LRFN5: variants seen among roughly 807,000 people sequenced by gnomAD.
The protein encoded by LRFN5 is leucine rich repeat and fibronectin type III domain containing 5, also known as leucine-rich repeat and fibronectin type-III domain-containing protein 5.
LRFN5 carries 24 observed loss-of-function variants against 45.6 expected under a neutral mutation model. The ratio of observed to expected loss-of-function variants is 0.53; its 90% CI spans 0.38 to 0.74. The LOEUF (loss-of-function observed/expected upper bound fraction) is 0.74. Ranked by LOEUF, LRFN5 falls within the 30% of genes least tolerant of loss-of-function variation. The pLI is 0.00. For synonymous variants in LRFN5, 340 were observed against 313.8 expected, an observed-to-expected ratio of 1.08 and a Z score of -0.88; for missense variants, 776 against 861.5, an observed-to-expected ratio of 0.90 and a Z score of 1.24.
At chr14:41,845,093 C>T (rs932872141) in intron 2 of LRFN5, among the ~76,000 whole-genome samples, 17 of 152,044 alleles carry the variant, frequency 1.1e-4, no homozygotes, top group African/African-American at 4.1e-4. Context: ...TTATCTAACA[C>T]TAGGCTCACT....
At chr14:41,813,957 C>G (rs862545) in intron 2 of LRFN5, among the ~76,000 whole-genome samples, 55,904 of 152,034 alleles carry the variant, frequency 0.37, 10,821 homozygotes, top group East Asian at 0.69. Context: ...ACATAAATGT[C>G]TTCTTCTGAA....
chr14:41,645,344 C>G (rs773835980), intron 1 of LRFN5, among the ~76,000 whole-genome samples: 5 of 152,192 alleles, frequency 3.3e-5, no homozygotes, highest in Admixed American at 6.5e-5. Flanking sequence ...AAGTGGTCGT[C>G]CTGCCTCAGC....
At chr14:41,902,392 A>G (rs1329628230) in intron 5 of LRFN5, among the ~76,000 whole-genome samples, 5 of 151,846 alleles carry the variant, frequency 3.3e-5, no homozygotes, top group Non-Finnish European at 7.4e-5. Context: ...TGGAATTACT[A>G]TAGGAGCTAT....
At chr14:41,812,527 A>G (rs183533676) in intron 2 of LRFN5, among the ~76,000 whole-genome samples, 295 of 151,990 alleles carry the variant, frequency 1.9e-3, no homozygotes, top group African/African-American at 6.9e-3. Context: ...GATTATTCTC[A>G]ATTATATATA....
At chr14:41,775,365 A>T (rs1241143558) in intron 2 of LRFN5, among the ~76,000 whole-genome samples, 1 of 151,986 alleles carries the variant, frequency 6.6e-6, no homozygotes, top group Non-Finnish European at 1.5e-5. Context: ...CTTGTATTAC[A>T]GGCAAGCCAC....
At position 41,887,864 on chromosome 14, in the gene LRFN5, T is replaced by C. The variant is rs1890633449; in HGVS notation, c.1239T>C (p.Asp413=). 1.2e-6 allele frequency: 2 copies of C among 1,614,036 alleles called. No individual in the cohort carries two copies. Among genetic ancestry groups the C allele is most frequent in the African/African-American group, 1.3e-5 (1 of 74,930 alleles). The change falls in exon 3 of 6, where the codon GAT becomes GAC. Residue 413 remains aspartate, a synonymous_variant. Transcript: ENST00000298119. The surrounding 1 kb of genome is among the most constrained non-coding windows in gnomAD (Gnocchi z 4.8). ...SGSNTSSSNG[D]TKLSQDKIVV... is the part of the protein sequence containing the mutation. Reference sequence around the variant, plus strand: ...CTAATACAAGCAGTAGTAATGGTGATACTAAATTGAGTCAAGATAAAATTG... The same window carrying C: ...CTAATACAAGCAGTAGTAATGGTGACACTAAATTGAGTCAAGATAAAATTG...
chr14:41,749,232 A>G (rs1314952689), intron 1 of LRFN5, among the ~76,000 whole-genome samples: 3 of 152,156 alleles, frequency 2.0e-5, no homozygotes, highest in Non-Finnish European at 2.9e-5. Context: ...TGCAAACAGT[A>G]ACAATCCAGA....
In LRFN5 at chr14:41,864,242, G is replaced by A. The variant is rs144319799; in HGVS notation, c.-20-22364G>A. Among the ~76,000 whole-genome samples, 631 of 152,232 alleles carry A rather than the reference G, an allele frequency of 4.1e-3. 6 individuals carry two copies. Among genetic ancestry groups the A allele is most frequent in the African/African-American group, 0.014 (595 of 41,544 alleles). On this transcript the variant is annotated intron_variant, in intron 2 of 5. Coordinates refer to ENST00000298119, the MANE Select transcript of LRFN5 (RefSeq NM_152447.5). ...TCTGGTTCTAGATCTTTGAGGAATTGCTACACTGTCTTCCCCAATGGTTGA... is the reference window on the plus strand; with the variant it reads ...TCTGGTTCTAGATCTTTGAGGAATTACTACACTGTCTTCCCCAATGGTTGA...
chr14:41,808,266 C>T (rs1857846797), intron 2 of LRFN5, among the ~76,000 whole-genome samples: 1 of 103,270 alleles, frequency 9.7e-6, no homozygotes, highest in Admixed American at 1.0e-4. Context: ...GAGGAAGGAC[C>T]TATGAGATTA....
chr14:41,828,586 C>G (rs1477263284), intron 2 of LRFN5, among the ~76,000 whole-genome samples: 2 of 151,918 alleles, frequency 1.3e-5, no homozygotes, highest in Non-Finnish European at 2.9e-5. Flanking sequence ...TTCCTCAAGT[C>G]AGAAATCTGG....
chr14:41,804,590 G>A (rs35342366), intron 2 of LRFN5, among the ~76,000 whole-genome samples: 1 of 151,896 alleles, frequency 6.6e-6, no homozygotes, highest in Non-Finnish European at 1.5e-5. Context: ...AGGTGGTTCA[G>A]TTTTGGAGAA....
chr14:41,785,505 A>G (rs1405177556), intron 2 of LRFN5, among the ~76,000 whole-genome samples: 4 of 152,108 alleles, frequency 2.6e-5, no homozygotes, highest in African/African-American at 9.7e-5. Flanking sequence ...ATGATACTAT[A>G]CTATATCACA....
At chr14:41,781,563 A>AGAAG (rs1491571217) in intron 2 of LRFN5, among the ~76,000 whole-genome samples, 63 of 17,728 alleles carry the variant, frequency 3.6e-3, no homozygotes, top group African/African-American at 0.02. Context: ...AGAAAGAGAA[A>AGAAG]GAAAGAAAGA....
chr14:41,668,367 A>G (rs1881005390), intron 1 of LRFN5, among the ~76,000 whole-genome samples: 1 of 152,160 alleles, frequency 6.6e-6, no homozygotes, highest in Non-Finnish European at 1.5e-5. Flanking sequence ...AATTTCAGGA[A>G]CTTGAAATTT....
At chr14:41,723,029 A>C (rs185630475) in intron 1 of LRFN5, among the ~76,000 whole-genome samples, 264 of 152,310 alleles carry the variant, frequency 1.7e-3, no homozygotes, top group Middle Eastern at 0.014. Context: ...TCTGCATAGT[A>C]GGTGGGGTAG....
intron 2 of LRFN5, among the ~76,000 whole-genome samples, chr14:41,822,684 T>C (rs1219563129): frequency 6.6e-6 from 1 of 152,080 alleles, no homozygotes; most frequent in East Asian, 1.9e-4. Context: ...CCAATTTAAG[T>C]ACTCTGTTTC....
chr14:41,861,721 T>C (rs1388764012), intron 2 of LRFN5, among the ~76,000 whole-genome samples: 2 of 152,164 alleles, frequency 1.3e-5, no homozygotes, highest in Non-Finnish European at 1.5e-5. Context: ...TTTTAAAGGT[T>C]TTATTGAAGT....
intron 2 of LRFN5, among the ~76,000 whole-genome samples, chr14:41,788,945 AG>A (rs1215103402): frequency 6.6e-6 from 1 of 152,010 alleles, no homozygotes; most frequent in East Asian, 1.9e-4. Flanking sequence ...AGAACTTGAA[AG>A]GGTTGAGGAA....
intron 1 of LRFN5, among the ~76,000 whole-genome samples, chr14:41,643,588 A>G (rs1879679442): frequency 6.6e-6 from 1 of 152,078 alleles, no homozygotes; most frequent in Non-Finnish European, 1.5e-5. Flanking sequence ...AGTAGCTCCC[A>G]TGATGCACTA....
Sources: gnomAD v4.1 joint callset for allele counts (sites outside exome capture counted in the v4.1 genomes callset) on GRCh38, gnomAD v4.1.1 for gene constraint, Gnocchi (gnomAD v3.1) non-coding constraint, MANE v1.5 for transcripts, NCBI Gene and HGNC (gene_info 2026-07-23, HGNC 2026-07-21) for gene names.